The following BCL2L11 variants were observed in gnomAD, a reference collection of about 807,000 sequenced individuals.
BCL2L11 encodes bcl-2-like protein 11.
Under a neutral mutation model 20.6 loss-of-function variants are expected in BCL2L11, and 15 were observed. The ratio of observed to expected loss-of-function variants is 0.73; its 90% CI spans 0.49 to 1.12. The LOEUF is 1.12. Among genes scored for constraint, BCL2L11 ranks in the 50% most tolerant of loss-of-function variants. The pLI is 0.00. For synonymous variants in BCL2L11, 108 were observed against 92.8 expected (o/e 1.16, Z -0.94); for missense variants, 292 against 260.9 (o/e 1.12, Z -0.82).
intron 1 of BCL2L11, among the ~76,000 whole-genome samples, chr2:111,121,542 G>C (rs1315056341): frequency 6.6e-6 from 1 of 152,206 alleles, no homozygotes; most frequent in Non-Finnish European, 1.5e-5. Flanking sequence ...TCGTAGTATC[G>C]GGCTGTGCGC....
At chr2:111,158,810 C>T (rs2078205473) in intron 3 of BCL2L11, among the ~76,000 whole-genome samples, 1 of 152,222 alleles carries the variant, frequency 6.6e-6, no homozygotes, top group African/African-American at 2.4e-5. Context: ...GGCTCTCTTA[C>T]AGCACATCTC....
intron 2 of BCL2L11, chr2:111,142,345 C>G: frequency 6.4e-7 from 1 of 1,550,468 alleles, no homozygotes; most frequent in East Asian, 2.4e-5. Flanking sequence ...CAGAATTGCC[C>G]TTCATAGGGA....
intron 2 of BCL2L11, among the ~76,000 whole-genome samples, chr2:111,145,798 C>T (rs965489957): frequency 6.6e-6 from 1 of 152,052 alleles, no homozygotes; most frequent in African/African-American, 2.4e-5. Context: ...AGTAATGTTA[C>T]CAGTAAGTTC....
chr2:111,144,609 T>C (rs764226375), intron 2 of BCL2L11: 1 of 1,417,774 alleles, frequency 7.1e-7, no homozygotes, highest in Non-Finnish European at 9.6e-7. Flanking sequence ...GAAAGATATT[T>C]CTGAAGATAT....
chr2:111,148,726 C>A (rs778130987), intron 2 of BCL2L11, among the ~76,000 whole-genome samples: 5 of 152,124 alleles, frequency 3.3e-5, no homozygotes, highest in African/African-American at 1.2e-4. Flanking sequence ...TCCCTCTTAC[C>A]CCACTGCCAC....
At chr2:111,124,447 C>T (rs1329077664) in intron 2 of BCL2L11, among the ~76,000 whole-genome samples, 1 of 152,224 alleles carries the variant, frequency 6.6e-6, no homozygotes, top group Non-Finnish European at 1.5e-5. Context: ...CGTGCCACCA[C>T]GCCCAGCTAA....
intron 2 of BCL2L11, among the ~76,000 whole-genome samples, chr2:111,147,737 C>T (rs1317928117): frequency 6.6e-6 from 1 of 152,130 alleles, no homozygotes; most frequent in Non-Finnish European, 1.5e-5. Context: ...AGACACAAGT[C>T]AAAGTGTTAA....
At chr2:111,144,525 G>A (rs1189915673) in intron 2 of BCL2L11, 2 of 1,550,526 alleles carry the variant, frequency 1.3e-6, no homozygotes, top group Admixed American at 2.0e-5. Flanking sequence ...ACCCAGGTGA[G>A]TTTTATAAGG....
intron 2 of BCL2L11, among the ~76,000 whole-genome samples, chr2:111,148,766 C>T (rs1237160072): frequency 6.6e-6 from 1 of 152,170 alleles, no homozygotes; most frequent in Non-Finnish European, 1.5e-5. Flanking sequence ...TATTCTGCCT[C>T]TCCTAGGCCC....
At chr2:111,145,588 C>G (rs1005073209) in intron 2 of BCL2L11, among the ~76,000 whole-genome samples, 1 of 152,002 alleles carries the variant, frequency 6.6e-6, no homozygotes, top group Non-Finnish European at 1.5e-5. Flanking sequence ...ACCACTTAAC[C>G]ACGGTATTAA....
At chr2:111,159,086 G>C (rs188010953) in intron 3 of BCL2L11, among the ~76,000 whole-genome samples, 1 of 152,290 alleles carries the variant, frequency 6.6e-6, no homozygotes, top group African/African-American at 2.4e-5. Context: ...TGTGGCCTCA[G>C]CTCAGCCTGA....
chr2:111,153,803 G>A (rs550322208), intron 3 of BCL2L11: 13 of 1,552,162 alleles, frequency 8.4e-6, no homozygotes, highest in African/African-American at 6.8e-5. Context: ...GGAAGTTGTC[G>A]TGTAGTTGTC....
In BCL2L11 at chr2:111,123,252, C is replaced by A. The variant is rs537844840; in HGVS notation, c.-13-481C>A. 7.1e-6 allele frequency: 7 copies of A among 985,500 alleles called. No individual in the cohort carries two copies. The African/African-American group carries it at 1.2e-4, about 17-fold the overall frequency. The allele number at this position is 985,500 out of a possible 1,614,324, so 61.0% of individuals were successfully genotyped here. A position where few individuals can be genotyped will look rare whatever the true frequency, so the allele number is the denominator to read the frequency against. ...CGACTGACGGCCGCTGCCAGACCTT[C>A]CCCAGACTTGCTGCCCTCAGCATTT... On this transcript the variant is annotated intron_variant, in intron 1 of 3. Transcript: ENST00000393256.
chr2:111,148,571 TTG>T (rs1354517823), intron 2 of BCL2L11, among the ~76,000 whole-genome samples: 1 of 152,240 alleles, frequency 6.6e-6, no homozygotes, highest in Non-Finnish European at 1.5e-5. Context: ...TTTTGTATGA[TTG>T]GATGTATTCA....
chr2:111,124,569 C>T (rs918071788), intron 2 of BCL2L11, among the ~76,000 whole-genome samples: 2 of 152,192 alleles, frequency 1.3e-5, no homozygotes, highest in Admixed American at 1.3e-4. Context: ...GGATTACAGG[C>T]GTGAGCCACC....
At chr2:111,163,919 C>T (rs1474259127) in intron 3 of BCL2L11, among the ~76,000 whole-genome samples, 2 of 135,506 alleles carry the variant, frequency 1.5e-5, no homozygotes, top group African/African-American at 5.7e-5. Flanking sequence ...TATGCCTGCC[C>T]TTTTTGTAGG....
chr2:111,122,997 C>G (rs1313616078), intron 1 of BCL2L11: 1 of 985,108 alleles, frequency 1.0e-6, no homozygotes, highest in Non-Finnish European at 1.2e-6. Context: ...ACCGGTGTCG[C>G]CTAGCCTGCG....
intron 3 of BCL2L11, among the ~76,000 whole-genome samples, chr2:111,156,673 C>T (rs1280226013): frequency 1.3e-5 from 2 of 151,970 alleles, no homozygotes; most frequent in African/African-American, 4.8e-5. Context: ...AGTGTGATCT[C>T]GTAGGAAAAC....
At chr2:111,129,369 G>T (rs1163586720) in intron 2 of BCL2L11, among the ~76,000 whole-genome samples, 1 of 152,090 alleles carries the variant, frequency 6.6e-6, no homozygotes, top group Admixed American at 6.6e-5. Context: ...AGAAGAGAAA[G>T]ATATTTTTCT....
Sources: gnomAD v4.1 joint callset for allele counts (sites outside exome capture counted in the v4.1 genomes callset) on GRCh38, gnomAD v4.1.1 for gene constraint, MANE v1.5 for transcripts, NCBI Gene and HGNC (gene_info 2026-07-23, HGNC 2026-07-21) for gene names.